Variants in DNAH11 observed in about 807,000 individuals in gnomAD.
DNAH11 encodes the protein axonemal beta dynein heavy chain 11.
Under a neutral mutation model 526.0 loss-of-function variants are expected in DNAH11, and 442 were observed. The ratio of observed to expected loss-of-function variants is 0.84; its 90% CI spans 0.78 to 0.91. The LOEUF (loss-of-function observed/expected upper bound fraction) is 0.91. DNAH11 is among the 40% of genes least tolerant of loss of function. The probability of loss-of-function intolerance (pLI) is 0.00; values close to 1 mark genes in which losing one functional copy is unlikely to be tolerated. For synonymous variants in DNAH11, 2,461 were observed against 1,935.9 expected, an observed-to-expected ratio of 1.27 and a Z score of -7.12; for missense variants, 6,989 against 5,448.7, an observed-to-expected ratio of 1.28 and a Z score of -8.90.
At chr7:21,794,101 T>TA (rs573458721) in intron 61 of DNAH11, among the ~76,000 whole-genome samples, 1 of 152,240 alleles carries the variant, frequency 6.6e-6, no homozygotes, top group African/African-American at 2.4e-5. Flanking sequence ...CCAGGATTTT[T>TA]AAAAAATTAT....
intron 65 of DNAH11, among the ~76,000 whole-genome samples, chr7:21,839,036 A>T (rs1371513525): frequency 2.0e-5 from 3 of 152,088 alleles, no homozygotes; most frequent in Non-Finnish European, 4.4e-5. Context: ...AGTCATTCTC[A>T]TTGGTGTGAA....
rs562191679 is a variant in DNAH11, at chr7:21,901,334, A to C, written c.*80A>C. The C allele has an allele frequency of 2.1e-6, 3 of 1,414,310 alleles. No individual in the cohort carries two copies. The highest frequency in any genetic ancestry group is 2.9e-5 in the African/African-American group (2 of 68,602). The allele number at this position is 1,414,310 out of a possible 1,614,324, so 87.6% of individuals were successfully genotyped here. A position where few individuals can be genotyped will look rare whatever the true frequency, so the allele number is the denominator to read the frequency against. ...ATGTTGCTGCACTGTTCCCATGCAC[A>C]TTATTCTAACTTTTTAGTAACTCAC... On this transcript the variant is annotated 3_prime_UTR_variant, in exon 82 of 82. Transcript: ENST00000409508.
chr7:21,795,628 C>T (rs1562550969), intron 61 of DNAH11, among the ~76,000 whole-genome samples: 1 of 152,318 alleles, frequency 6.6e-6, no homozygotes, highest in Non-Finnish European at 1.5e-5. Context: ...TTTATTTGTT[C>T]TAGTTGAAGG....
At chr7:21,779,193 C>T (rs1370159171) in intron 57 of DNAH11, 89 bp downstream of exon 57, 2 of 1,444,188 alleles carry the variant, frequency 1.4e-6, no homozygotes, top group Non-Finnish European at 1.9e-6. Context: ...AACTTCCTCT[C>T]CAGGGAGCAT....
intron 44 of DNAH11, among the ~76,000 whole-genome samples, chr7:21,724,676 GAAACACTGGGCCA>G (rs1785011360): frequency 7.1e-6 from 1 of 140,894 alleles, no homozygotes; most frequent in African/African-American, 2.7e-5. Context: ...ATGAATATAG[GAAACACTGGGCCA>G]GGTCATCTGT....
chr7:21,794,880 G>C (rs1235567002), intron 61 of DNAH11, among the ~76,000 whole-genome samples: 1 of 152,148 alleles, frequency 6.6e-6, no homozygotes, highest in Non-Finnish European at 1.5e-5. Context: ...TCCAGTGTAG[G>C]AACTACGAGT....
intron 58 of DNAH11, among the ~76,000 whole-genome samples, chr7:21,786,025 A>G (rs1788161455): frequency 6.6e-6 from 1 of 152,218 alleles, no homozygotes; most frequent in Admixed American, 6.5e-5. Flanking sequence ...GCCCTGATAC[A>G]TATAATTTAT....
intron 74 of DNAH11, among the ~76,000 whole-genome samples, chr7:21,877,701 C>T (rs1338849540): frequency 6.6e-6 from 1 of 151,798 alleles, no homozygotes; most frequent in East Asian, 1.9e-4. Context: ...AGGTGAAACC[C>T]CATCTCTACT....
chr7:21,645,776 A>G (rs906870939), intron 28 of DNAH11, among the ~76,000 whole-genome samples: 1 of 152,306 alleles, frequency 6.6e-6, no homozygotes, highest in South Asian at 2.1e-4. Context: ...TAAAAATTAG[A>G]TATCTACCAT....
At chr7:21,836,649 A>G (rs1782008240) in intron 65 of DNAH11, among the ~76,000 whole-genome samples, 1 of 152,170 alleles carries the variant, frequency 6.6e-6, no homozygotes, top group Non-Finnish European at 1.5e-5. Flanking sequence ...ACTAGAAGAA[A>G]ACATTAGGGG....
At chr7:21,629,857 T>C (rs1281489534) in intron 25 of DNAH11, among the ~76,000 whole-genome samples, 1 of 152,156 alleles carries the variant, frequency 6.6e-6, no homozygotes, top group Non-Finnish European at 1.5e-5. Flanking sequence ...AGTTCTGTTA[T>C]GTTTCTTTAG....
At chr7:21,861,819 T>G (rs775165069) in intron 68 of DNAH11, 34 bp from the exon 69 acceptor site, 4 of 1,608,514 alleles carry the variant, frequency 2.5e-6, no homozygotes, top group Non-Finnish European at 2.5e-6. Context: ...AGGCACCAGT[T>G]GTCACATTTT....
chr7:21,593,888 G>A (rs1458249451), intron 14 of DNAH11, among the ~76,000 whole-genome samples: 7 of 148,294 alleles, frequency 4.7e-5, no homozygotes, highest in Non-Finnish European at 1.0e-4. Flanking sequence ...CCCTGCCCCT[G>A]CTCCCCCCAG....
At chr7:21,585,441 T>G (rs1034635826) in intron 9 of DNAH11, among the ~76,000 whole-genome samples, 1 of 152,198 alleles carries the variant, frequency 6.6e-6, no homozygotes, top group Admixed American at 6.5e-5. Flanking sequence ...AAAATATTTA[T>G]AGATGGTTCT....
chr7:21,866,800 A>C (rs1030120819), intron 71 of DNAH11, 137 bp downstream of exon 71: 29 of 946,500 alleles, frequency 3.1e-5, no homozygotes, highest in Non-Finnish European at 4.4e-5. Flanking sequence ...TTGATATTAT[A>C]ATCACTGCTA....
In DNAH11 at chr7:21,588,531, T is replaced by C; in HGVS notation, c.1868T>C (p.Val623Ala). 1 of 1,613,794 alleles carries C rather than the reference T, an allele frequency of 6.2e-7. No individual in the cohort carries two copies. The highest frequency in any genetic ancestry group is 8.5e-7 in the Non-Finnish European group (1 of 1,179,716). The change falls in exon 11 of 82, where the codon GTT (valine) becomes GCT (alanine). Residue 623 changes from valine (V) to alanine (A), a missense_variant. By Grantham distance (64) the Val-to-Ala change is moderately conservative (BLOSUM62 0). Coordinates refer to ENST00000409508, the MANE Select transcript of DNAH11 (RefSeq NM_001277115.2). Reference protein sequence around the residue: ...HMKQIECGHVVLNKNMPFTSG... With the variant: ...HMKQIECGHVALNKNMPFTSG... ...TTGCAGATTGAATGTGGTCATGTAG[T>C]TCTTAACAAGAACATGCCATTTACC...
intron 62 of DNAH11, 27 bp downstream of exon 62, chr7:21,801,302 A>G (rs761953724): frequency 1.2e-5 from 19 of 1,612,884 alleles, no homozygotes; most frequent in Non-Finnish European, 1.6e-5. Flanking sequence ...CAAACATTCT[A>G]ACTAAAATGT....
At chr7:21,888,399 C>G (rs1377193763) in intron 76 of DNAH11, among the ~76,000 whole-genome samples, 1 of 152,124 alleles carries the variant, frequency 6.6e-6, no homozygotes, top group African/African-American at 2.4e-5. Flanking sequence ...AGACAATAAT[C>G]TCATGGAGTC....
Position 21,717,891 on chromosome 7 carries a change from C to A in DNAH11, c.7100C>A (p.Thr2367Asn), listed in dbSNP as rs1784725278. 6.2e-7 allele frequency: 1 copy of A among 1,613,696 alleles called. No homozygotes were observed. Among genetic ancestry groups the A allele is most frequent in the Non-Finnish European group, 8.5e-7 (1 of 1,179,724 alleles). The stretch of plus-strand genomic sequence containing the variant: ...GATAAACTGAGAACAAGCTTTAAAA[C>A]CATCACTTCAATTCCTGAGAGTAGC... ...CLDKLRTSFK[T>N]ITSIPESSLV... Residue 2367 changes from threonine to asparagine, a missense_variant, in exon 43 of 82, where the codon ACC becomes AAC. Physicochemically the swap from Thr to Asn is moderately conservative, Grantham distance 65 (BLOSUM62 0). Coordinates refer to ENST00000409508, the MANE Select transcript of DNAH11 (RefSeq NM_001277115.2).
Sources: allele counts gnomAD v4.1 joint callset (sites outside exome capture counted in the v4.1 genomes callset), GRCh38; gene constraint gnomAD v4.1.1; transcripts MANE v1.5; gene names NCBI Gene and HGNC (gene_info 2026-07-23, HGNC 2026-07-21).